The following MARCHF6 variants were observed in gnomAD, a reference collection of about 807,000 sequenced individuals.
MARCHF6 encodes E3 ubiquitin-protein ligase MARCHF6.
Under a neutral mutation model 133.7 loss-of-function variants are expected in MARCHF6, and 31 were observed. The ratio of observed to expected loss-of-function variants is 0.23; its 90% CI spans 0.17 to 0.31. MARCHF6 has a LOEUF of 0.31. Ranked by LOEUF, MARCHF6 falls within the 10% of genes least tolerant of loss-of-function variation. The probability of loss-of-function intolerance (pLI) is 1.00; values close to 1 mark genes in which losing one functional copy is unlikely to be tolerated. For missense variants in MARCHF6, 723 were observed against 1,121.6 expected (o/e 0.64, Z 5.08); for synonymous variants, 395 against 402.5 (o/e 0.98, Z 0.22).
intron 1 of MARCHF6, among the ~76,000 whole-genome samples, chr5:10,359,709 T>C (rs1258483233): frequency 6.6e-6 from 1 of 152,152 alleles, no homozygotes; most frequent in East Asian, 1.9e-4. Flanking sequence ...ATACCTAGTA[T>C]AATGTAATAC....
At chr5:10,380,622 G>T (rs1427026673) in intron 3 of MARCHF6, among the ~76,000 whole-genome samples, 1 of 152,100 alleles carries the variant, frequency 6.6e-6, no homozygotes, top group Non-Finnish European at 1.5e-5. Context: ...GTGGGCATGT[G>T]CCATTAAAAG....
intron 1 of MARCHF6, among the ~76,000 whole-genome samples, chr5:10,357,449 A>C (rs1433944162): frequency 6.6e-6 from 1 of 152,018 alleles, no homozygotes; most frequent in Non-Finnish European, 1.5e-5. Flanking sequence ...ATACCAAAGC[A>C]GCTGTTCTTT....
intron 1 of MARCHF6, among the ~76,000 whole-genome samples, chr5:10,361,172 A>G (rs572950535): frequency 5.9e-5 from 9 of 152,362 alleles, no homozygotes; most frequent in South Asian, 2.1e-4. Flanking sequence ...ACCAAGGTAG[A>G]ATTAATAGAA....
chr5:10,394,880 A>T, intron 9 of MARCHF6, 95 bp downstream of exon 9: 1 of 714,940 alleles, frequency 1.4e-6, no homozygotes, highest in Admixed American at 2.7e-5. Context: ...GCTCACTGCA[A>T]CCTCCGTCTC....
intron 1 of MARCHF6, among the ~76,000 whole-genome samples, chr5:10,357,808 A>G (rs529885094): frequency 6.6e-6 from 1 of 152,366 alleles, no homozygotes; most frequent in African/African-American, 2.4e-5. Context: ...GGAACAATAT[A>G]GAGAAAATCC....
rs1043841948 is a variant in MARCHF6 at position 10,437,539 on chromosome 5, A to G, written c.*3855A>G. The G allele has an allele frequency of 3.3e-5, 5 of 152,212 alleles. No individual in the cohort carries two copies. The highest frequency in any genetic ancestry group is 1.2e-4 in the African/African-American group (5 of 41,438). 9.4% of individuals were successfully genotyped at this position (152,212 alleles called of 1,614,324 possible). On this transcript the variant is annotated 3_prime_UTR_variant, in exon 26 of 26. Transcript: ENST00000274140. ...CCCTGACAATATCTTTGGCATTAATACGACATAAAGACAAGACAGTATATG... is the reference window on the plus strand; with the variant it reads ...CCCTGACAATATCTTTGGCATTAATGCGACATAAAGACAAGACAGTATATG...
At chr5:10,356,453 TG>T (rs1735481167) in intron 1 of MARCHF6, among the ~76,000 whole-genome samples, 1 of 151,522 alleles carries the variant, frequency 6.6e-6, no homozygotes, top group South Asian at 2.1e-4. Flanking sequence ...TGAAGTGCAG[TG>T]GCATGATCTC....
chr5:10,378,916 G>T, intron 3 of MARCHF6, 84 bp downstream of exon 3: 1 of 832,900 alleles, frequency 1.2e-6, no homozygotes, highest in East Asian at 2.7e-5. Flanking sequence ...GTTGACAGAG[G>T]AAGGGGGATA....
chr5:10,405,917 C>G (rs1375457516), intron 16 of MARCHF6, among the ~76,000 whole-genome samples: 1 of 152,052 alleles, frequency 6.6e-6, no homozygotes, highest in Non-Finnish European at 1.5e-5. Context: ...TAGTATAATT[C>G]AGGGGTCCCT....
chr5:10,409,695 G>C (rs904975913), intron 17 of MARCHF6, among the ~76,000 whole-genome samples: 64 of 152,280 alleles, frequency 4.2e-4, no homozygotes, highest in African/African-American at 1.5e-3. Flanking sequence ...GAGTGGCTAG[G>C]TCAGAAACAG....
intron 1 of MARCHF6, among the ~76,000 whole-genome samples, chr5:10,372,971 G>C (rs1048242332): frequency 6.6e-6 from 1 of 151,912 alleles, no homozygotes; most frequent in Admixed American, 6.6e-5. Context: ...GAGATGGGAG[G>C]ATTGCCTGAG....
intron 25 of MARCHF6, 32 bp downstream of exon 25, chr5:10,430,060 A>G: frequency 6.3e-7 from 1 of 1,587,966 alleles, no homozygotes; most frequent in Non-Finnish European, 8.6e-7. Context: ...TCTCTTGTTT[A>G]AGTGTTTTCA....
chr5:10,412,697 G>A lies in MARCHF6; in HGVS notation c.1896+1160G>A, dbSNP rs577569955. Among the ~76,000 whole-genome samples the A allele has an allele frequency of 5.9e-5, 9 of 152,132 alleles. No individual in the cohort carries two copies. In the South Asian group the frequency reaches 1.5e-3, roughly 25 times the overall value. ...AAGCGATCCTCCTACCTACTCAGCCGTCCGATTAGCTGGGACCATGGGTGC... is the reference window on the plus strand; with the variant it reads ...AAGCGATCCTCCTACCTACTCAGCCATCCGATTAGCTGGGACCATGGGTGC... On this transcript the variant is annotated intron_variant, in intron 19 of 25. Coordinates refer to ENST00000274140, the MANE Select transcript of MARCHF6 (RefSeq NM_005885.4).
In MARCHF6 at chr5:10,433,647, G is replaced by C. The variant is rs538477547; in HGVS notation, c.2696G>C (p.Gly899Ala). 8 of 1,614,192 alleles carry C rather than the reference G, an allele frequency of 5.0e-6. No homozygotes were observed. The South Asian group carries it at 8.8e-5, about 18-fold the overall frequency. ...TACGAACGGAAATCTGGCAAACAAGGCTCATCTCCACCACCTCCACAGTCA... is the reference window on the plus strand; with the variant it reads ...TACGAACGGAAATCTGGCAAACAAGCCTCATCTCCACCACCTCCACAGTCA... ...VNYERKSGKQGSSPPPPQSSQ... is the reference protein window; with the variant it reads ...VNYERKSGKQASSPPPPQSSQ... The change falls in exon 26 of 26, where the codon GGC becomes GCC. Residue 899 changes from glycine to alanine, a missense_variant. This residue lies in a region of MARCHF6 where 492 missense variants were observed against 699.5 expected (regional missense o/e 0.70). Transcript: ENST00000274140.
intron 24 of MARCHF6, among the ~76,000 whole-genome samples, chr5:10,427,265 A>G (rs72740446): frequency 0.11 from 16,174 of 152,200 alleles, 1,217 homozygotes; most frequent in Non-Finnish European, 0.14. Flanking sequence ...GCACCTTCCT[A>G]TCTGGTTTCC....
chr5:10,405,694 A>AT lies in MARCHF6; in HGVS notation c.1452+19dup, dbSNP rs745673437. The AT allele has an allele frequency of 3.2e-6, 5 of 1,545,700 alleles. No homozygotes were observed. The highest frequency in any genetic ancestry group is 1.7e-6 in the Non-Finnish European group (2 of 1,155,760). On this transcript the variant is annotated intron_variant, in intron 16 of 25. Transcript: ENST00000274140. ...TTGTCAGTGGTAAGAAGATGTTTCC[A>AT]TTGTTTTTTTTTTTTGAATTAATTG... is the stretch of plus-strand genomic sequence containing the variant.
chr5:10,423,098 C>G (rs922345643), intron 22 of MARCHF6, among the ~76,000 whole-genome samples: 2 of 150,734 alleles, frequency 1.3e-5, no homozygotes, highest in Middle Eastern at 3.2e-3. Flanking sequence ...CTAAGGACTT[C>G]AGGGTTGTTA....
chr5:10,426,190 C>T (rs184816006), intron 23 of MARCHF6, among the ~76,000 whole-genome samples, 200 bp from the exon 24 acceptor site: 6 of 152,226 alleles, frequency 3.9e-5, no homozygotes, highest in Admixed American at 6.5e-5. Flanking sequence ...AACTGCAGAG[C>T]GTTAGTGGGT....
chr5:10,384,895 A>G (rs754649097), intron 4 of MARCHF6, among the ~76,000 whole-genome samples: 2 of 152,238 alleles, frequency 1.3e-5, no homozygotes, highest in Non-Finnish European at 2.9e-5. Context: ...GGACATATGT[A>G]TAAGAATGAC....
Sources: allele counts gnomAD v4.1 joint callset (sites outside exome capture counted in the v4.1 genomes callset), GRCh38; gene constraint gnomAD v4.1.1; regional missense constraint gnomAD v4.1.1; transcripts MANE v1.5; gene names NCBI Gene and HGNC (gene_info 2026-07-23, HGNC 2026-07-21).